LRRC36: variants seen among roughly 807,000 people sequenced by gnomAD.
LRRC36 encodes leucine rich repeat containing 36, also known as leucine-rich repeat-containing protein 36.
In LRRC36, 62 loss-of-function variants were observed where a neutral mutation model predicts 81.1. The observed-to-expected ratio is 0.76, with a 90% CI of 0.62 to 0.94. The LOEUF is 0.94. Among genes scored for constraint, LRRC36 ranks in the 40% least tolerant of loss-of-function variants. The probability of loss-of-function intolerance (pLI) is 0.00; values close to 1 mark genes in which losing one functional copy is unlikely to be tolerated. For synonymous variants in LRRC36, 334 were observed against 348.6 expected, an observed-to-expected ratio of 0.96 and a Z score of 0.47; for missense variants, 761 against 881.7, an observed-to-expected ratio of 0.86 and a Z score of 1.73.
At chr16:67,343,918 G>A (rs1052538392) in intron 2 of LRRC36, among the ~76,000 whole-genome samples, 4 of 151,898 alleles carry the variant, frequency 2.6e-5, no homozygotes, top group African/African-American at 4.8e-5. Context: ...CCAGGTTCAG[G>A]AGATTCTCCT....
intron 1 of LRRC36, among the ~76,000 whole-genome samples, chr16:67,339,622 T>C (rs1206266589): frequency 6.6e-6 from 1 of 152,234 alleles, no homozygotes; most frequent in East Asian, 1.9e-4. Flanking sequence ...ATAGCTTTTT[T>C]AGTTTCAAGG....
At chr16:67,337,317 C>A (rs1224745888) in intron 1 of LRRC36, among the ~76,000 whole-genome samples, 1 of 151,140 alleles carries the variant, frequency 6.6e-6, no homozygotes, top group Non-Finnish European at 1.5e-5. Context: ...GTCTTCATTT[C>A]AAAAATGACG....
chr16:67,350,985 C>A (rs2038602794), intron 5 of LRRC36, among the ~76,000 whole-genome samples: 1 of 152,074 alleles, frequency 6.6e-6, no homozygotes. Context: ...TTGTGGTGAG[C>A]CGAGATCACG....
In LRRC36 at chr16:67,376,763, C is replaced by T. The variant is rs111417813; in HGVS notation, c.1697C>T (p.Pro566Leu). ...ARDLLLSLVV[P>L]APSQPRCCSH... ...GATTTGCTTCTGTCTTTGGTAGTCC[C>T]GGCTCCTTCTCAGCCGAGGTGTTGC... The change falls in exon 11 of 14, where the codon CCG (proline) becomes CTG (leucine). Residue 566 changes from proline (P) to leucine (L), a missense_variant. Physicochemically the swap from Pro to Leu is moderately conservative, Grantham distance 98. This residue lies in a region of LRRC36 where 359 missense variants were observed against 388.4 expected (regional missense o/e 0.92). Transcript: ENST00000329956. 9.0e-5 allele frequency: 146 copies of T among 1,613,660 alleles called. No individual in the cohort carries two copies. The African/African-American group carries it at 9.7e-4, about 11-fold the overall frequency.
At chr16:67,347,264 C>T in intron 3 of LRRC36, 1 of 567,344 alleles carries the variant, frequency 1.8e-6, no homozygotes, top group Non-Finnish European at 2.9e-6. Context: ...CTCTGCTTTC[C>T]TGAAGGGTAG....
intron 9 of LRRC36, chr16:67,372,127 G>A (rs1389973297): frequency 6.6e-6 from 1 of 152,052 alleles, no homozygotes; most frequent in Non-Finnish European, 1.5e-5. Context: ...GGAGGCCGAG[G>A]TGGGCGGATC....
intron 4 of LRRC36, among the ~76,000 whole-genome samples, chr16:67,349,951 G>A (rs927543334): frequency 2.0e-5 from 3 of 152,126 alleles, no homozygotes; most frequent in Non-Finnish European, 4.4e-5. Context: ...AGTAGAGACA[G>A]GGTTTCGCCA....
intron 1 of LRRC36, among the ~76,000 whole-genome samples, chr16:67,340,096 C>T (rs759650241): frequency 6.6e-5 from 10 of 151,744 alleles, no homozygotes; most frequent in South Asian, 2.1e-4. Context: ...GAGCCAAGAT[C>T]GCACCATTGC....
intron 1 of LRRC36, chr16:67,327,162 G>A (rs2037226216): frequency 2.2e-6 from 1 of 453,480 alleles, no homozygotes; most frequent in South Asian, 4.7e-5. Flanking sequence ...AATTGAGAGA[G>A]AAGAGGGGAG....
intron 1 of LRRC36, 127 bp from the exon 2 acceptor site, chr16:67,341,830 A>C: frequency 1.8e-6 from 1 of 560,302 alleles, no homozygotes; most frequent in Non-Finnish European, 3.0e-6. Context: ...AGAAGATCTG[A>C]TCTTATGAGG....
chr16:67,345,416 A>G (rs1442135683), intron 2 of LRRC36, among the ~76,000 whole-genome samples: 1 of 152,236 alleles, frequency 6.6e-6, no homozygotes, highest in Non-Finnish European at 1.5e-5. Flanking sequence ...AAATACATAA[A>G]GATGAAATCT....
chr16:67,367,498 A>C, intron 8 of LRRC36, 41 bp downstream of exon 8: 1 of 1,526,046 alleles, frequency 6.6e-7, no homozygotes, highest in Non-Finnish European at 8.9e-7. Flanking sequence ...CTTCATAGGC[A>C]TGAAGATAGA....
chr16:67,365,752 T>C (rs1032242570), intron 7 of LRRC36, among the ~76,000 whole-genome samples: 2 of 152,222 alleles, frequency 1.3e-5, no homozygotes, highest in Non-Finnish European at 2.9e-5. Flanking sequence ...TGTTAATACC[T>C]TAAGTCTTCT....
chr16:67,347,344 A>T, intron 3 of LRRC36, 151 bp from the exon 4 acceptor site: 1 of 1,436,296 alleles, frequency 7.0e-7, no homozygotes, highest in Non-Finnish European at 9.3e-7. Flanking sequence ...CTCCAGTGAC[A>T]ACATAATAGC....
chr16:67,381,230 GAA>G (rs1179228134), intron 12 of LRRC36, among the ~76,000 whole-genome samples: 1,853 of 41,082 alleles, frequency 0.045, 35 homozygotes, highest in African/African-American at 0.1. Flanking sequence ...CTCTGCCTCA[GAA>G]AAAAAAAAAA....
chr16:67,371,279 G>C (rs757871754), intron 9 of LRRC36, 37 bp downstream of exon 9: 8 of 1,612,034 alleles, frequency 5.0e-6, no homozygotes, highest in Non-Finnish European at 6.8e-6. Context: ...GCGAGAAACA[G>C]GTCAGGTTCG....
intron 1 of LRRC36, among the ~76,000 whole-genome samples, 178 bp from the exon 2 acceptor site, chr16:67,341,779 G>A (rs900416099): frequency 2.0e-5 from 3 of 152,078 alleles, no homozygotes; most frequent in African/African-American, 7.2e-5. Context: ...TAAAACTAAG[G>A]TTCAATGTCA....
At chr16:67,327,003 A>T in intron 1 of LRRC36, 71 bp downstream of exon 1, 2 of 1,355,402 alleles carry the variant, frequency 1.5e-6, no homozygotes, top group South Asian at 3.0e-5. Context: ...ACTGAAGTGG[A>T]AGGCGGGGAA....
rs2039435946 is a variant in LRRC36 at position 67,367,155 on chromosome 16, CT to C, written c.897del (p.His300IlefsTer8). On this transcript the variant is annotated frameshift_variant, in exon 8 of 14. Coordinates refer to ENST00000329956, the MANE Select transcript of LRRC36 (RefSeq NM_018296.6). LOFTEE classifies it high-confidence loss of function. ...PEKELIPKPD[T>X]FHLTHDASLS... ...AAGGAATTGATACCAAAACCTGATA[CT>C]TTTCATCTTACCCATGATGCCTCAT... 6.2e-7 allele frequency: 1 copy of C among 1,614,056 alleles called. No homozygotes were observed. Among genetic ancestry groups the C allele is most frequent in the Non-Finnish European group, 8.5e-7 (1 of 1,180,040 alleles).
Sources: allele counts gnomAD v4.1 joint callset (sites outside exome capture counted in the v4.1 genomes callset), GRCh38; gene constraint gnomAD v4.1.1; regional missense constraint gnomAD v4.1.1; transcripts MANE v1.5; gene names NCBI Gene and HGNC (gene_info 2026-07-23, HGNC 2026-07-21).